The following GAB1 variants were observed in gnomAD, a reference collection of about 807,000 sequenced individuals.
GAB1 encodes GRB2-associated-binding protein 1.
In GAB1, 19 loss-of-function variants were observed where a neutral mutation model predicts 66.5. The ratio of observed to expected loss-of-function variants is 0.29; its 90% confidence interval spans 0.20 to 0.42. The LOEUF is 0.42. GAB1 is among the 10% of genes least tolerant of loss of function. The pLI, the probability that GAB1 is intolerant of heterozygous loss-of-function variation, is 1.00. For synonymous variants in GAB1, 294 were observed against 301.4 expected (o/e 0.98, Z 0.25); for missense variants, 732 against 858.5 (o/e 0.85, Z 1.84).
At chr4:143,347,957 G>A (rs927887293) in intron 1 of GAB1, among the ~76,000 whole-genome samples, 1 of 152,156 alleles carries the variant, frequency 6.6e-6, no homozygotes, top group Non-Finnish European at 1.5e-5. Flanking sequence ...ATACAGCTGG[G>A]TCCTTTTTCC....
intron 1 of GAB1, among the ~76,000 whole-genome samples, chr4:143,403,588 C>A (rs1253212085): frequency 1.3e-5 from 2 of 152,184 alleles, no homozygotes; most frequent in African/African-American, 4.8e-5. Context: ...CTCCAAGAAT[C>A]GTGTTTTATG....
At chr4:143,458,957 A>T (rs1735341995) in intron 6 of GAB1, among the ~76,000 whole-genome samples, 1 of 152,030 alleles carries the variant, frequency 6.6e-6, no homozygotes, top group Admixed American at 6.6e-5. Flanking sequence ...ATAGTTATAT[A>T]CTCCAATATT....
intron 2 of GAB1, chr4:143,417,355 G>A: frequency 2.6e-6 from 1 of 384,726 alleles, no homozygotes; most frequent in South Asian, 2.1e-5. Context: ...GTGACTAGAG[G>A]GCTCAAGAAT....
chr4:143,451,578 T>G (rs2149780287), intron 6 of GAB1, among the ~76,000 whole-genome samples: 1 of 152,300 alleles, frequency 6.6e-6, no homozygotes, highest in Middle Eastern at 3.4e-3. Context: ...AGAATGGCTC[T>G]AGAAAGCTCA....
chr4:143,440,947 A>T (rs1202596642), intron 6 of GAB1, among the ~76,000 whole-genome samples: 1 of 152,236 alleles, frequency 6.6e-6, no homozygotes, highest in African/African-American at 2.4e-5. Flanking sequence ...TATAATATCA[A>T]ATCAGACTTA....
chr4:143,469,026 T>A lies in GAB1; in HGVS notation c.1927-5T>A. The stretch of plus-strand genomic sequence containing the variant: ...TGGACTTTTTGTTTTTTCTTTGTGT[T>A]TTAGCAAAAGAGCAGTGGCTCAGGC... On this transcript the variant is annotated splice_polypyrimidine_tract_variant and splice_region_variant and intron_variant, in intron 9 of 9. Transcript: ENST00000262994. 1 of 1,613,110 alleles carries A rather than the reference T, an allele frequency of 6.2e-7. No individual in the cohort carries two copies. Among genetic ancestry groups the A allele is most frequent in the South Asian group, 1.1e-5 (1 of 91,050 alleles).
intron 2 of GAB1, among the ~76,000 whole-genome samples, chr4:143,432,400 T>C (rs188651214): frequency 1.3e-5 from 2 of 152,328 alleles, no homozygotes; most frequent in Admixed American, 1.3e-4. Context: ...CTGGGTTTTG[T>C]CACGTGACCA....
chr4:143,464,539 AT>A (rs1344036719), intron 8 of GAB1, among the ~76,000 whole-genome samples: 2 of 152,076 alleles, frequency 1.3e-5, no homozygotes, highest in African/African-American at 4.8e-5. Flanking sequence ...CATTTTATAT[AT>A]TTTTTTAATG....
intron 2 of GAB1, among the ~76,000 whole-genome samples, chr4:143,432,001 C>T (rs907565266): frequency 6.6e-6 from 1 of 152,002 alleles, no homozygotes; most frequent in African/African-American, 2.4e-5. Context: ...TAGGAAAAGA[C>T]AGCTTAAATG....
chr4:143,428,999 A>G (rs1052309833), intron 2 of GAB1, among the ~76,000 whole-genome samples: 25 of 152,182 alleles, frequency 1.6e-4, no homozygotes, highest in African/African-American at 5.8e-4. Flanking sequence ...AGTATAATAA[A>G]TAAAAATAAA....
At chr4:143,408,647 G>A (rs1281786945) in intron 1 of GAB1, among the ~76,000 whole-genome samples, 1 of 149,778 alleles carries the variant, frequency 6.7e-6, no homozygotes, top group South Asian at 2.1e-4. Context: ...TAATTTATTT[G>A]ACCATTATCC....
At chr4:143,466,318 T>C in intron 9 of GAB1, 93 bp downstream of exon 9, 1 of 1,260,512 alleles carries the variant, frequency 7.9e-7, no homozygotes, top group Non-Finnish European at 1.1e-6. Context: ...TTTATTAAGT[T>C]ATGTTTAATA....
intron 1 of GAB1, among the ~76,000 whole-genome samples, chr4:143,381,497 AACTC>A (rs1465482159): frequency 6.6e-6 from 1 of 152,150 alleles, no homozygotes; most frequent in Non-Finnish European, 1.5e-5. Context: ...CGGGTCTACT[AACTC>A]TGTGCTCTTG....
At chr4:143,417,570 G>T in intron 2 of GAB1, 1 of 223,300 alleles carries the variant, frequency 4.5e-6, no homozygotes, top group Non-Finnish European at 9.0e-6. Context: ...ACCACACTGG[G>T]CTAATTTTTA....
At chr4:143,339,960 C>A (rs1228383469) in intron 1 of GAB1, among the ~76,000 whole-genome samples, 1 of 152,142 alleles carries the variant, frequency 6.6e-6, no homozygotes, top group Non-Finnish European at 1.5e-5. Flanking sequence ...TCCTGGAAGA[C>A]AGTAGACAGG....
chr4:143,386,641 C>A (rs181889991), intron 1 of GAB1, among the ~76,000 whole-genome samples: 2 of 152,296 alleles, frequency 1.3e-5, no homozygotes, highest in Non-Finnish European at 2.9e-5. Flanking sequence ...ATCTACCTCA[C>A]CTTCCCAAAA....
At chr4:143,360,249 C>G (rs2323011) in intron 1 of GAB1, among the ~76,000 whole-genome samples, 1 of 152,082 alleles carries the variant, frequency 6.6e-6, no homozygotes, top group African/African-American at 2.4e-5. Flanking sequence ...TTTAAAAAAC[C>G]GGAATTCAAG....
rs189467513 is a variant in GAB1, at chr4:143,342,438, G to A, written c.72+5178G>A. Among the ~76,000 whole-genome samples, 36 of 150,676 alleles carry A rather than the reference G, an allele frequency of 2.4e-4. 1 individual carries two copies. The highest frequency in any genetic ancestry group is 1.3e-3 in the Admixed American group (19 of 15,096). On this transcript the variant is annotated intron_variant, in intron 1 of 9. Coordinates refer to ENST00000262994, the MANE Select transcript of GAB1 (RefSeq NM_002039.4). Reference sequence around the variant, plus strand: ...AAATGTAAGGAGTAAAACACACAGCGTTTTTTGAGAGTAAGTAAAATCCCA... The same window carrying A: ...AAATGTAAGGAGTAAAACACACAGCATTTTTTGAGAGTAAGTAAAATCCCA...
At chr4:143,410,124 C>T (rs1262512942) in intron 1 of GAB1, among the ~76,000 whole-genome samples, 2 of 151,870 alleles carry the variant, frequency 1.3e-5, no homozygotes, top group African/African-American at 4.8e-5. Context: ...GGACTACCCC[C>T]GACCTCTTCT....
Sources: allele counts gnomAD v4.1 joint callset (sites outside exome capture counted in the v4.1 genomes callset), GRCh38; gene constraint gnomAD v4.1.1; transcripts MANE v1.5; gene names NCBI Gene and HGNC (gene_info 2026-07-23, HGNC 2026-07-21).